Variants in RTTN observed in about 807,000 individuals in gnomAD.
RTTN encodes rotatin.
Under a neutral mutation model 269.2 loss-of-function variants are expected in RTTN, and 182 were observed. The observed-to-expected ratio is 0.68, with a 90% confidence interval of 0.60 to 0.76. The LOEUF (loss-of-function observed/expected upper bound fraction) is 0.76. RTTN is among the 30% of genes least tolerant of loss of function. The pLI is 0.00. For missense variants in RTTN, 2,545 were observed against 2,608.6 expected (o/e 0.98, Z 0.53); for synonymous variants, 1,006 against 963.5 (o/e 1.04, Z -0.82).
chr18:70,042,468 C>T (rs1284492912), intron 40 of RTTN, among the ~76,000 whole-genome samples: 1 of 150,988 alleles, frequency 6.6e-6, no homozygotes, highest in South Asian at 2.1e-4. Flanking sequence ...CTCCCCGTCC[C>T]GGGTTCACAC....
rs1206753395 is a variant in RTTN, at chr18:70,092,767, G to A, written c.3941C>T (p.Ala1314Val). 1 of 1,611,814 alleles carries A rather than the reference G, an allele frequency of 6.2e-7. No individual in the cohort carries two copies. Among genetic ancestry groups the A allele is most frequent in the East Asian group, 2.2e-5 (1 of 44,846 alleles). The change falls in exon 29 of 49, where the codon GCT becomes GTT. Residue 1314 changes from alanine (A) to valine (V), a missense_variant. Transcript: ENST00000640769. ...TSFYVERGGN[A>V]MSFMGKGVTK... ...AACACCTTTTCCCATGAAGGACATA[G>A]CATTTCCTCCACGCTCCACATAAAA... is the stretch of plus-strand genomic sequence containing the variant.
intron 44 of RTTN, among the ~76,000 whole-genome samples, chr18:70,022,395 C>A (rs2056732012): frequency 6.6e-6 from 1 of 152,064 alleles, no homozygotes; most frequent in Non-Finnish European, 1.5e-5. Context: ...CTCTCTTACC[C>A]TCTCAGGCTG....
chr18:70,190,256 A>G (rs2061639577), intron 9 of RTTN, among the ~76,000 whole-genome samples: 1 of 152,064 alleles, frequency 6.6e-6, no homozygotes. Context: ...AGCAAGAATA[A>G]ATGCAAAAAA....
intron 23 of RTTN, chr18:70,129,100 A>C (rs1454281374): frequency 6.6e-6 from 1 of 152,136 alleles, no homozygotes; most frequent in Non-Finnish European, 1.5e-5. Context: ...AAGAACCAAG[A>C]AATATGTTTA....
Position 70,065,869 on chromosome 18 carries a change from T to G in RTTN, c.4707A>C (p.Thr1569=). The stretch of plus-strand genomic sequence containing the variant: ...GGTCATGGGAGGCTTCAGGTAGAAG[T>G]GTTGTTGACTGCACAAGTGGCTGAA... ...TEFQPLVQST[T]LLPEASHDQF... The change falls in exon 35 of 49, where the codon ACA becomes ACC. Residue 1569 remains threonine, a synonymous_variant. Transcript: ENST00000640769. 1 of 1,601,470 alleles carries G rather than the reference T, an allele frequency of 6.2e-7. No homozygotes were observed. The highest frequency in any genetic ancestry group is 8.5e-7 in the Non-Finnish European group (1 of 1,172,748).
chr18:70,182,238 T>G (rs1010776562), intron 10 of RTTN, among the ~76,000 whole-genome samples: 1 of 152,164 alleles, frequency 6.6e-6, no homozygotes, highest in Non-Finnish European at 1.5e-5. Context: ...AGGCTCGTGT[T>G]ATGAAAAAAA....
At chr18:70,060,913 G>A (rs1300568043) in intron 35 of RTTN, among the ~76,000 whole-genome samples, 1 of 151,582 alleles carries the variant, frequency 6.6e-6, no homozygotes, top group Non-Finnish European at 1.5e-5. Context: ...CATCCATGTT[G>A]CTGCAAATGA....
At chr18:70,101,398 T>C (rs944712559) in intron 28 of RTTN, among the ~76,000 whole-genome samples, 2 of 152,236 alleles carry the variant, frequency 1.3e-5, no homozygotes, top group Non-Finnish European at 2.9e-5. Flanking sequence ...TAGTAGTTTG[T>C]ATTTCTGTGG....
intron 10 of RTTN, among the ~76,000 whole-genome samples, chr18:70,177,617 A>G (rs1555774516): frequency 6.7e-6 from 1 of 149,432 alleles, no homozygotes; most frequent in Non-Finnish European, 1.5e-5. Context: ...AGTAAGAAAG[A>G]AAAAAAAAAC....
At chr18:70,070,767 T>C (rs757025433) in intron 34 of RTTN, among the ~76,000 whole-genome samples, 4 of 152,226 alleles carry the variant, frequency 2.6e-5, no homozygotes, top group African/African-American at 9.6e-5. Context: ...ATTTTCTGAA[T>C]GTTAATGCCT....
intron 11 of RTTN, among the ~76,000 whole-genome samples, chr18:70,175,866 T>G (rs2061278676): frequency 6.6e-6 from 1 of 152,112 alleles, no homozygotes; most frequent in South Asian, 2.1e-4. Flanking sequence ...TGGAAACTAT[T>G]GTTTGTATTC....
intron 11 of RTTN, among the ~76,000 whole-genome samples, chr18:70,170,130 T>G (rs1456728340): frequency 6.6e-6 from 1 of 152,212 alleles, no homozygotes; most frequent in Admixed American, 6.5e-5. Context: ...AACTTTCCTT[T>G]TTTTTGTGGG....
Position 70,139,681 on chromosome 18 carries a change from G to C in RTTN, c.2706C>G (p.Leu902=), listed in dbSNP as rs1349686115. Residue 902 remains leucine (L), a synonymous_variant, in exon 21 of 49, where the codon CTC becomes CTG. Transcript: ENST00000640769. ...VECLVQPCLT[L]LRKVLCGDPV... is the part of the protein sequence containing the mutation. ...GATCACCACATAAAACCTTCCTCAAGAGTGTGAGGCATGGTTGTACCAAAC... is the reference window on the plus strand; with the variant it reads ...GATCACCACATAAAACCTTCCTCAACAGTGTGAGGCATGGTTGTACCAAAC... 1.2e-6 allele frequency: 2 copies of C among 1,612,990 alleles called. No individual in the cohort carries two copies. The highest frequency in any genetic ancestry group is 1.7e-6 in the Non-Finnish European group (2 of 1,179,134).
chr18:70,017,835 T>G (rs529753871), intron 45 of RTTN, among the ~76,000 whole-genome samples, 161 bp from the exon 46 acceptor site: 1 of 152,206 alleles, frequency 6.6e-6, no homozygotes, highest in African/African-American at 2.4e-5. Context: ...TTTCCAAGCA[T>G]AAGTGAAAAA....
At chr18:70,164,988 G>A (rs2060947484) in intron 14 of RTTN, among the ~76,000 whole-genome samples, 2 of 152,146 alleles carry the variant, frequency 1.3e-5, no homozygotes, top group Admixed American at 6.5e-5. Context: ...AGCCGAATAA[G>A]AATTAAGCAA....
chr18:70,141,262 A>G (rs1469188285), intron 19 of RTTN, among the ~76,000 whole-genome samples: 2 of 152,150 alleles, frequency 1.3e-5, no homozygotes, highest in Non-Finnish European at 2.9e-5. Context: ...TTTTTACATA[A>G]ACTCAAAGTT....
chr18:70,176,200 GATGTATATGTAT>G (rs71816542), intron 11 of RTTN, among the ~76,000 whole-genome samples: 31,352 of 137,354 alleles, frequency 0.23, 3,679 homozygotes, highest in Middle Eastern at 0.36. Context: ...TGTAGATGTA[GATGTATATGTAT>G]ATGTATATGT....
chr18:70,052,298 T>C (rs1174387444), intron 38 of RTTN, among the ~76,000 whole-genome samples: 1 of 152,170 alleles, frequency 6.6e-6, no homozygotes, highest in African/African-American at 2.4e-5. Context: ...TATGAGATAC[T>C]TGAAAACTGC....
chr18:70,172,007 G>A (rs745474427), intron 11 of RTTN, among the ~76,000 whole-genome samples: 15 of 152,122 alleles, frequency 9.9e-5, no homozygotes, highest in Non-Finnish European at 2.1e-4. Context: ...CTTAGCCTTG[G>A]TAAGCATCAC....
Sources: gnomAD v4.1 joint callset for allele counts (sites outside exome capture counted in the v4.1 genomes callset) on GRCh38, gnomAD v4.1.1 for gene constraint, MANE v1.5 for transcripts, NCBI Gene and HGNC (gene_info 2026-07-23, HGNC 2026-07-21) for gene names.